The following ESCO1 variants were observed in gnomAD, a reference collection of about 807,000 sequenced individuals.
The protein encoded by ESCO1 is establishment of sister chromatid cohesion N-acetyltransferase 1.
ESCO1 carries 33 observed loss-of-function variants against 83.5 expected under a neutral mutation model. That is an observed-to-expected ratio of 0.40 (90% confidence interval 0.30 to 0.53). ESCO1 has a LOEUF of 0.53. ESCO1 is among the 20% of genes least tolerant of loss of function. ESCO1 has a pLI of 0.63. For synonymous variants in ESCO1, 332 were observed against 324.3 expected, an observed-to-expected ratio of 1.02 and a Z score of -0.25; for missense variants, 855 against 968.0, an observed-to-expected ratio of 0.88 and a Z score of 1.55.
chr18:21,531,334 G>A (rs566395491), intron 11 of ESCO1, among the ~76,000 whole-genome samples: 1 of 152,246 alleles, frequency 6.6e-6, no homozygotes, highest in East Asian at 1.9e-4. Context: ...TACTCAGGAG[G>A]CTGAGGCAGG....
chr18:21,572,412 T>C (rs1197444646), intron 4 of ESCO1, among the ~76,000 whole-genome samples: 1 of 152,216 alleles, frequency 6.6e-6, no homozygotes, highest in Non-Finnish European at 1.5e-5. Context: ...ACTACTTTCT[T>C]AGGTAATCAA....
chr18:21,577,345 G>T (rs1289996286), intron 2 of ESCO1, among the ~76,000 whole-genome samples: 19 of 111,882 alleles, frequency 1.7e-4, no homozygotes, highest in African/African-American at 6.6e-4. Flanking sequence ...CAACAAGAGT[G>T]AGACTCCATC....
chr18:21,587,457 C>A (rs2038597864), intron 1 of ESCO1, among the ~76,000 whole-genome samples: 1 of 152,118 alleles, frequency 6.6e-6, no homozygotes, highest in African/African-American at 2.4e-5. Context: ...TTTTCTATTT[C>A]TTCTTGAGTC....
At chr18:21,558,532 C>G (rs1222497613) in intron 8 of ESCO1, among the ~76,000 whole-genome samples, 1 of 151,912 alleles carries the variant, frequency 6.6e-6, no homozygotes, top group African/African-American at 2.4e-5. Flanking sequence ...AGTTCAAGAC[C>G]AGCCTGACCA....
intron 4 of ESCO1, among the ~76,000 whole-genome samples, chr18:21,571,271 T>C (rs2038338154): frequency 6.6e-6 from 1 of 152,090 alleles, no homozygotes; most frequent in Non-Finnish European, 1.5e-5. Context: ...CACTGCAGCC[T>C]CCGCCTCCCA....
chr18:21,558,606 G>A (rs760966091), intron 8 of ESCO1, among the ~76,000 whole-genome samples: 9 of 151,628 alleles, frequency 5.9e-5, no homozygotes, highest in Admixed American at 5.9e-4. Context: ...GCATGCACCT[G>A]TAGTCTCAGC....
intron 1 of ESCO1, among the ~76,000 whole-genome samples, chr18:21,587,116 A>G (rs1425304583): frequency 6.6e-6 from 1 of 152,176 alleles, no homozygotes; most frequent in Non-Finnish European, 1.5e-5. Flanking sequence ...TATCATTTTT[A>G]TAAGTTGCTG....
chr18:21,533,386 C>G (rs1239498834), intron 10 of ESCO1, among the ~76,000 whole-genome samples: 1 of 152,066 alleles, frequency 6.6e-6, no homozygotes, highest in Non-Finnish European at 1.5e-5. Flanking sequence ...ACCTCTGCCT[C>G]CTGGGTTCAA....
In ESCO1 at chr18:21,574,425, T is replaced by TAACTGCTTGAA; in HGVS notation, c.418_419insTTCAAGCAGTT (p.Glu140ValfsTer40). The TAACTGCTTGAA allele has an allele frequency of 6.2e-7, 1 of 1,614,152 alleles. No individual in the cohort carries two copies. Among genetic ancestry groups the TAACTGCTTGAA allele is most frequent in the African/African-American group, 1.3e-5 (1 of 75,058 alleles). ...AACTGCTTGAACTTGACCCTGAATT[T>TAACTGCTTGAA]CTCTACTGCGTAACGACCTTCTTGA... is the stretch of plus-strand genomic sequence containing the variant. On this transcript the variant is annotated frameshift_variant, in exon 4 of 12. Coordinates refer to ENST00000269214, the MANE Select transcript of ESCO1 (RefSeq NM_052911.3). LOFTEE classifies it high-confidence loss of function.
intron 8 of ESCO1, among the ~76,000 whole-genome samples, chr18:21,541,265 G>A (rs2037902203): frequency 6.6e-6 from 1 of 151,970 alleles, no homozygotes; most frequent in Admixed American, 6.6e-5. Flanking sequence ...TTTCATCTAA[G>A]AAACTAAATC....
chr18:21,535,841 T>A (rs2037830212), intron 10 of ESCO1, among the ~76,000 whole-genome samples: 1 of 152,244 alleles, frequency 6.6e-6, no homozygotes, highest in Non-Finnish European at 1.5e-5. Flanking sequence ...TCTACAGAAT[T>A]TTTATCTTAC....
At position 21,535,421 on chromosome 18, in the gene ESCO1, C is replaced by T. The variant is rs1229192576; in HGVS notation, c.2187+621G>A. Among the ~76,000 whole-genome samples the T allele has an allele frequency of 4.7e-5, 7 of 149,838 alleles. No homozygotes were observed. The East Asian group carries it at 7.9e-4, about 17-fold the overall frequency. On this transcript the variant is annotated intron_variant, in intron 10 of 11. Coordinates refer to ENST00000269214, the MANE Select transcript of ESCO1 (RefSeq NM_052911.3). ...TTTTTTTTGAGACCGAGTCTTGTGT[C>T]GCCCAGGCTGGAGTGCAGTGGCGCA...
At position 21,575,725 on chromosome 18, in the gene ESCO1, A is replaced by G. The variant is rs1273250271; in HGVS notation, c.-641T>C. 7.5e-6 allele frequency: 3 copies of G among 398,244 alleles called. No homozygotes were observed. The East Asian group carries it at 1.1e-4, about 14-fold the overall frequency. The allele number at this position is 398,244 out of a possible 1,614,324, so 24.7% of individuals were successfully genotyped here. ...GTCTCAGCCACCATAACTCATGAAGAAAATTAGACAAAACCATTCCTTCTA... is the reference window on the plus strand; with the variant it reads ...GTCTCAGCCACCATAACTCATGAAGGAAATTAGACAAAACCATTCCTTCTA... On this transcript the variant is annotated 5_prime_UTR_variant, in exon 3 of 12. Coordinates refer to ENST00000269214, the MANE Select transcript of ESCO1 (RefSeq NM_052911.3).
At position 21,530,206 on chromosome 18, in the gene ESCO1, T is replaced by C; in HGVS notation, c.*137A>G. On this transcript the variant is annotated 3_prime_UTR_variant, in exon 12 of 12. Coordinates refer to ENST00000269214, the MANE Select transcript of ESCO1 (RefSeq NM_052911.3). The stretch of plus-strand genomic sequence containing the variant: ...TATTACTGCATTGTTTCCAATTTTA[T>C]GAAAATGGAACAACCATATGGTTGT... The C allele has an allele frequency of 1.6e-6, 1 of 608,322 alleles. No homozygotes were observed. The highest frequency in any genetic ancestry group is 3.6e-5 in the Admixed American group (1 of 27,832). The allele number at this position is 608,322 out of a possible 1,614,324, so 37.7% of individuals were successfully genotyped here. A position where few individuals can be genotyped will look rare whatever the true frequency, so the allele number is the denominator to read the frequency against.
intron 8 of ESCO1, among the ~76,000 whole-genome samples, chr18:21,560,095 G>A (rs952309804): frequency 1.3e-5 from 2 of 151,984 alleles, no homozygotes; most frequent in Admixed American, 6.6e-5. Flanking sequence ...TCTTATTAAC[G>A]TGAGTGTACA....
In ESCO1 at chr18:21,551,959, C is replaced by T. The variant is rs78059751; in HGVS notation, c.1953+8900G>A. Among the ~76,000 whole-genome samples, 19 of 152,296 alleles carry T rather than the reference C, an allele frequency of 1.2e-4. No individual in the cohort carries two copies. The East Asian group carries it at 3.7e-3, about 29-fold the overall frequency. On this transcript the variant is annotated intron_variant, in intron 8 of 11. Transcript: ENST00000269214. ...GGGAAAGGATACTATCTACTTCAGT[C>T]TCTACTTTTCCTTTACACACAATCT...
intron 8 of ESCO1, among the ~76,000 whole-genome samples, chr18:21,551,729 T>G (rs2038050153): frequency 6.6e-6 from 1 of 152,156 alleles, no homozygotes; most frequent in Non-Finnish European, 1.5e-5. Flanking sequence ...ACAACTGCAG[T>G]TGGGCTGGAA....
chr18:21,549,844 G>A (rs897752598), intron 8 of ESCO1, among the ~76,000 whole-genome samples: 5 of 151,200 alleles, frequency 3.3e-5, no homozygotes, highest in African/African-American at 1.2e-4. Flanking sequence ...GCACATGCCT[G>A]TAATCCCAGC....
rs757305255 is a variant in ESCO1 at position 21,566,206 on chromosome 18, C to T, written c.1646G>A (p.Gly549Asp). 6.2e-7 allele frequency: 1 copy of T among 1,611,950 alleles called. No homozygotes were observed. The highest frequency in any genetic ancestry group is 8.5e-7 in the Non-Finnish European group (1 of 1,178,994). Residue 549 changes from glycine to aspartate, a missense_variant and splice_region_variant, in exon 6 of 12, where the codon GGT becomes GAT. By Grantham distance (94) the Gly-to-Asp change is moderately conservative (BLOSUM62 -1). Around this residue, in one of 2 missense-constraint regions of ESCO1, gnomAD observed 726 missense variants for 699.5 expected, o/e 1.04. Transcript: ENST00000269214. ...KIDTGENKFP[G>D]SAPQQHSILS... ...AATACTATGCTGTTGGGGAGCTGAA[C>T]CTGTAATTTAATCAAGAAGGTGGGT...
Sources: allele counts gnomAD v4.1 joint callset (sites outside exome capture counted in the v4.1 genomes callset), GRCh38; gene constraint gnomAD v4.1.1; regional missense constraint gnomAD v4.1.1; transcripts MANE v1.5; gene names NCBI Gene and HGNC (gene_info 2026-07-23, HGNC 2026-07-21).